Variants in FHIT observed in about 807,000 individuals in gnomAD.
FHIT encodes bis(5'-adenosyl)-triphosphatase.
In FHIT, 19 loss-of-function variants were observed where a neutral mutation model predicts 17.9. The ratio of observed to expected loss-of-function variants is 1.06; its 90% CI spans 0.74 to 1.56. The LOEUF (loss-of-function observed/expected upper bound fraction) is 1.56, where lower values mean the gene tolerates loss of function less well. Among genes scored for constraint, FHIT ranks in the 40% most tolerant of loss-of-function variants. The pLI, the probability that FHIT is intolerant of heterozygous loss-of-function variation, is 0.00. For synonymous variants in FHIT, 81 were observed against 69.7 expected (o/e 1.16, Z -0.81); for missense variants, 248 against 189.2 (o/e 1.31, Z -1.82).
At chr3:61,092,405 C>G (rs879648182) in intron 2 of FHIT, among the ~76,000 whole-genome samples, 50 of 152,156 alleles carry the variant, frequency 3.3e-4, no homozygotes, top group Non-Finnish European at 6.8e-4. Flanking sequence ...GGTAATTACT[C>G]TTTTAATACA....
At chr3:60,148,262 G>A (rs1700321687) in intron 5 of FHIT, among the ~76,000 whole-genome samples, 1 of 152,104 alleles carries the variant, frequency 6.6e-6, no homozygotes, top group Admixed American at 6.5e-5. Flanking sequence ...TACTATACAT[G>A]CCATATGGAT....
chr3:59,873,121 C>T (rs1349374522), intron 8 of FHIT, among the ~76,000 whole-genome samples: 3 of 152,170 alleles, frequency 2.0e-5, no homozygotes, highest in African/African-American at 7.2e-5. Context: ...TTAAACACTC[C>T]CTGTTTTACC....
intron 3 of FHIT, among the ~76,000 whole-genome samples, chr3:60,955,618 A>ACATGTATATATATACATG (rs1559862381): frequency 6.9e-5 from 1 of 14,574 alleles, no homozygotes; most frequent in Non-Finnish European, 2.1e-4. Context: ...ATATATATAT[A>ACATGTATATATATACATG]TATATATATA....
intron 4 of FHIT, among the ~76,000 whole-genome samples, chr3:60,666,798 G>A (rs2040390699): frequency 6.6e-6 from 1 of 151,816 alleles, no homozygotes; most frequent in South Asian, 2.1e-4. Context: ...TCAGCCTCCT[G>A]AGTAGCTGGG....
At chr3:59,973,688 A>G (rs901082813) in intron 7 of FHIT, among the ~76,000 whole-genome samples, 2 of 152,136 alleles carry the variant, frequency 1.3e-5, no homozygotes, top group African/African-American at 4.8e-5. Flanking sequence ...ATTTTGTTCA[A>G]CATTTCATCC....
At chr3:60,080,225 T>C (rs1703217097) in intron 5 of FHIT, among the ~76,000 whole-genome samples, 1 of 152,138 alleles carries the variant, frequency 6.6e-6, no homozygotes, top group African/African-American at 2.4e-5. Flanking sequence ...TCTCTGATTT[T>C]AGAAAACTGA....
intron 5 of FHIT, among the ~76,000 whole-genome samples, chr3:60,471,405 G>C (rs1335690172): frequency 3.9e-5 from 6 of 152,206 alleles, no homozygotes; most frequent in African/African-American, 1.4e-4. Context: ...TGGACAATTT[G>C]CCTCTGGCTA....
intron 5 of FHIT, among the ~76,000 whole-genome samples, chr3:60,340,829 T>C (rs1041213668): frequency 3.9e-5 from 6 of 152,084 alleles, no homozygotes; most frequent in African/African-American, 1.2e-4. Context: ...TGCCTCAGCC[T>C]ACCAAATATC....
intron 4 of FHIT, among the ~76,000 whole-genome samples, chr3:60,650,098 C>G (rs541233008): frequency 1.3e-5 from 2 of 152,214 alleles, no homozygotes; most frequent in Non-Finnish European, 2.9e-5. Flanking sequence ...ATAATCCTTT[C>G]TAGGCCTAAA....
intron 2 of FHIT, among the ~76,000 whole-genome samples, chr3:61,056,502 G>T (rs546956775): frequency 2.2e-4 from 34 of 152,290 alleles, no homozygotes; most frequent in African/African-American, 8.2e-4. Flanking sequence ...AAAAAACAGG[G>T]CAGAGTAAGA....
rs77463688 is a variant in FHIT at position 60,639,979 on chromosome 3, G to A, written c.-17-103000C>T. On this transcript the variant is annotated intron_variant, in intron 4 of 9. Transcript: ENST00000492590. ...GCAATAAAAAGGAACATTAACACATGCAACCACTATTCTCCAAGTCATTAT... is the reference window on the plus strand; with the variant it reads ...GCAATAAAAAGGAACATTAACACATACAACCACTATTCTCCAAGTCATTAT... Among the ~76,000 whole-genome samples the A allele has an allele frequency of 6.0e-3, 907 of 152,276 alleles. 9 individuals carry two copies. The highest frequency in any genetic ancestry group is 0.02 in the African/African-American group (847 of 41,558).
intron 5 of FHIT, among the ~76,000 whole-genome samples, chr3:60,176,085 G>A (rs144431562): frequency 8.7e-4 from 132 of 152,292 alleles, no homozygotes; most frequent in African/African-American, 3.1e-3. Flanking sequence ...AGGTGTGGTG[G>A]CTCACGCCTG....
At chr3:60,925,915 T>G (rs1409292732) in intron 3 of FHIT, among the ~76,000 whole-genome samples, 1 of 152,160 alleles carries the variant, frequency 6.6e-6, no homozygotes, top group Admixed American at 6.5e-5. Context: ...TCCTAGTCTC[T>G]GATAAACAGA....
intron 2 of FHIT, among the ~76,000 whole-genome samples, chr3:61,148,550 G>T (rs573150060): frequency 1.8e-4 from 28 of 152,140 alleles, no homozygotes; most frequent in Non-Finnish European, 3.4e-4. Flanking sequence ...CTTTTTGTTG[G>T]TGAGTACCAC....
chr3:60,457,672 A>C (rs1016597316), intron 5 of FHIT, among the ~76,000 whole-genome samples: 8 of 151,832 alleles, frequency 5.3e-5, no homozygotes, highest in African/African-American at 1.9e-4. Context: ...AAATTTTTGC[A>C]ATCTACTCAT....
chr3:61,210,133 G>C (rs1215556658), intron 1 of FHIT, among the ~76,000 whole-genome samples: 24 of 152,266 alleles, frequency 1.6e-4, no homozygotes, highest in Non-Finnish European at 2.6e-4. Flanking sequence ...AGCGGATATT[G>C]ATGAACCGCA....
intron 4 of FHIT, chr3:60,553,320 A>C: frequency 1.3e-6 from 1 of 745,868 alleles, no homozygotes; most frequent in Non-Finnish European, 1.6e-6. Context: ...GTAGTTTCTA[A>C]GAAACCTACC....
chr3:60,967,011 TG>T (rs1404539040), intron 3 of FHIT, among the ~76,000 whole-genome samples: 1 of 152,230 alleles, frequency 6.6e-6, no homozygotes, highest in Admixed American at 6.5e-5. Context: ...ATGGTCAGTA[TG>T]GGGATGTTTA....
chr3:61,124,946 A>G (rs1208821816), intron 2 of FHIT, among the ~76,000 whole-genome samples: 3 of 152,120 alleles, frequency 2.0e-5, no homozygotes, highest in African/African-American at 7.2e-5. Context: ...CTGATGTTTC[A>G]TCAGTTACAA....
Sources: allele counts gnomAD v4.1 joint callset (sites outside exome capture counted in the v4.1 genomes callset), GRCh38; gene constraint gnomAD v4.1.1; transcripts MANE v1.5; gene names NCBI Gene and HGNC (gene_info 2026-07-23, HGNC 2026-07-21).